Variants in LEF1 observed in about 807,000 individuals in gnomAD.
LEF1 encodes the protein lymphoid enhancer binding factor 1, also known as lymphoid enhancer-binding factor 1.
In LEF1, 14 loss-of-function variants were observed where a neutral mutation model predicts 51.2. The observed-to-expected ratio is 0.27, with a 90% CI of 0.18 to 0.43. LEF1 has a LOEUF of 0.43. Ranked by LOEUF, LEF1 falls within the 20% of genes least tolerant of loss-of-function variation. LEF1 has a pLI of 1.00. For synonymous variants in LEF1, 185 were observed against 183.2 expected (o/e 1.01, Z -0.08); for missense variants, 386 against 512.0 (o/e 0.75, Z 2.37).
At chr4:108,163,928 G>GTTC (rs1198209324) in intron 2 of LEF1, among the ~76,000 whole-genome samples, 2 of 152,172 alleles carry the variant, frequency 1.3e-5, no homozygotes, top group Non-Finnish European at 2.9e-5. Flanking sequence ...AGTTCAAACA[G>GTTC]TTCTTCCACT....
At chr4:108,099,576 A>G (rs1275459856) in intron 3 of LEF1, among the ~76,000 whole-genome samples, 1,460 of 39,220 alleles carry the variant, frequency 0.037, 47 homozygotes, top group African/African-American at 0.15. Flanking sequence ...GTGTGTATAT[A>G]TATATATATA....
At chr4:108,051,286 C>T (rs1736974758) in intron 11 of LEF1, among the ~76,000 whole-genome samples, 2 of 152,088 alleles carry the variant, frequency 1.3e-5, no homozygotes, top group African/African-American at 4.8e-5. Context: ...CAAAGAAATT[C>T]CTTCACTATG....
At chr4:108,073,911 C>T (rs1738672787) in intron 8 of LEF1, among the ~76,000 whole-genome samples, 3 of 151,860 alleles carry the variant, frequency 2.0e-5, no homozygotes, top group South Asian at 4.2e-4. Flanking sequence ...CTGCAAGCTC[C>T]GCCTCCCAGG....
intron 4 of LEF1, among the ~76,000 whole-genome samples, chr4:108,086,749 A>T (rs1302226116): frequency 6.6e-6 from 1 of 151,958 alleles, no homozygotes; most frequent in Admixed American, 6.6e-5. Context: ...ATTTCCTAAA[A>T]GCGCTTTCCT....
intron 2 of LEF1, among the ~76,000 whole-genome samples, chr4:108,164,672 T>G (rs1415261901): frequency 1.3e-5 from 2 of 152,196 alleles, no homozygotes; most frequent in East Asian, 3.8e-4. Context: ...TTCACTGTAA[T>G]AAGGAACAAG....
chr4:108,076,087 G>C (rs1285128481), intron 8 of LEF1, among the ~76,000 whole-genome samples: 3 of 152,080 alleles, frequency 2.0e-5, no homozygotes, highest in African/African-American at 7.2e-5. Context: ...ATCTGCATGT[G>C]GGGGAGTCTA....
At chr4:108,114,964 A>AATGGG (rs1429414489) in intron 3 of LEF1, among the ~76,000 whole-genome samples, 1 of 152,172 alleles carries the variant, frequency 6.6e-6, no homozygotes, top group East Asian at 1.9e-4. Context: ...AAAGGAACGG[A>AATGGG]ATGGGATGGG....
chr4:108,147,627 C>T (rs1014587946), intron 3 of LEF1, among the ~76,000 whole-genome samples: 4 of 152,198 alleles, frequency 2.6e-5, no homozygotes, highest in Non-Finnish European at 4.4e-5. Flanking sequence ...GATCTAATAT[C>T]CTCAAGCCTG....
intron 1 of LEF1, chr4:108,166,209 G>A: frequency 6.7e-7 from 1 of 1,498,170 alleles, no homozygotes; most frequent in Non-Finnish European, 8.9e-7. Context: ...TGGATTCAAC[G>A]GGTAAAGAAC....
intron 11 of LEF1, among the ~76,000 whole-genome samples, chr4:108,052,247 T>C (rs141332386): frequency 5.9e-5 from 9 of 152,332 alleles, no homozygotes; most frequent in African/African-American, 1.9e-4. Flanking sequence ...AATGCACCCC[T>C]GCCCCATCAT....
intron 3 of LEF1, among the ~76,000 whole-genome samples, chr4:108,149,051 G>T (rs1744166809): frequency 1.3e-5 from 2 of 152,078 alleles, no homozygotes; most frequent in Non-Finnish European, 2.9e-5. Flanking sequence ...ACATGATGTT[G>T]GTGTAAAATA....
chr4:108,151,766 G>T (rs1374401427), intron 3 of LEF1, among the ~76,000 whole-genome samples: 1 of 152,166 alleles, frequency 6.6e-6, no homozygotes, highest in East Asian at 1.9e-4. Context: ...CTAGTCCATG[G>T]ATTCTATATG....
chr4:108,157,148 TTCTCTC>T (rs141657105), intron 3 of LEF1, among the ~76,000 whole-genome samples: 129 of 117,894 alleles, frequency 1.1e-3, no homozygotes, highest in South Asian at 1.0e-3. Context: ...TACCTCTTCA[TTCTCTC>T]TCTCTCTCTC....
chr4:108,094,591 T>C (rs997276239), intron 3 of LEF1, among the ~76,000 whole-genome samples: 3 of 152,202 alleles, frequency 2.0e-5, no homozygotes. Context: ...GCCTCCTGGA[T>C]AGAGGAGTAA....
At chr4:108,081,286 G>A (rs954424161) in intron 6 of LEF1, among the ~76,000 whole-genome samples, 1 of 152,034 alleles carries the variant, frequency 6.6e-6, no homozygotes, top group Non-Finnish European at 1.5e-5. Flanking sequence ...TGTAATGTCC[G>A]CTTTCCGGAC....
chr4:108,076,222 T>A (rs1039532206), intron 8 of LEF1, among the ~76,000 whole-genome samples: 4 of 152,238 alleles, frequency 2.6e-5, no homozygotes, highest in Non-Finnish European at 4.4e-5. Flanking sequence ...ACAGTATTTA[T>A]CATAATTTTT....
At chr4:108,150,892 C>T (rs1203613370) in intron 3 of LEF1, among the ~76,000 whole-genome samples, 1 of 152,068 alleles carries the variant, frequency 6.6e-6, no homozygotes, top group East Asian at 1.9e-4. Flanking sequence ...CTCTCTTCAC[C>T]CTTGGACAAA....
Position 108,089,971 on chromosome 4 carries a change from A to G in LEF1, c.415-714T>C, listed in dbSNP as rs551606651. On this transcript the variant is annotated intron_variant, in intron 3 of 11. Coordinates refer to ENST00000265165, the MANE Select transcript of LEF1 (RefSeq NM_016269.5). ...AATTTCCAATCTTGAGTTGAACTGC[A>G]TAATATGAAATACTGTCTTTTTTTT... Among the ~76,000 whole-genome samples the G allele has an allele frequency of 7.9e-5, 12 of 152,264 alleles. No homozygotes were observed. In the South Asian group the frequency reaches 2.5e-3, roughly 32 times the overall value.
chr4:108,078,418 G>T (rs769752262), intron 7 of LEF1, 36 bp from the exon 8 acceptor site: 1 of 1,613,840 alleles, frequency 6.2e-7, no homozygotes, highest in South Asian at 1.1e-5. Context: ...AGGGGAAGGG[G>T]TTGAAGGAAT....
Sources: gnomAD v4.1 joint callset for allele counts (sites outside exome capture counted in the v4.1 genomes callset) on GRCh38, gnomAD v4.1.1 for gene constraint, MANE v1.5 for transcripts, NCBI Gene and HGNC (gene_info 2026-07-23, HGNC 2026-07-21) for gene names.